Variants in ZNF106 observed in about 807,000 individuals in gnomAD.
ZNF106 encodes SH3-domain binding protein 3.
Under a neutral mutation model 195.1 loss-of-function variants are expected in ZNF106, and 67 were observed. The ratio of observed to expected loss-of-function variants is 0.34; its 90% confidence interval spans 0.28 to 0.42. The LOEUF (loss-of-function observed/expected upper bound fraction) is 0.42, where lower values mean the gene tolerates loss of function less well. ZNF106 is among the 10% of genes least tolerant of loss of function. The probability of loss-of-function intolerance (pLI) is 1.00; values close to 1 mark genes in which losing one functional copy is unlikely to be tolerated. For missense variants in ZNF106, 2,118 were observed against 2,304.5 expected (o/e 0.92, Z 1.66); for synonymous variants, 784 against 818.6 (o/e 0.96, Z 0.72).
At position 42,451,728 on chromosome 15, in the gene ZNF106, C is replaced by T; in HGVS notation, c.544G>A (p.Gly182Arg). Reference sequence around the variant, plus strand: ...ACACCCTTATGCCACCCGGAACGTCCTCTTGGTCCACCACCATTCCTCAAA... The same window carrying T: ...ACACCCTTATGCCACCCGGAACGTCTTCTTGGTCCACCACCATTCCTCAAA... ...HSLRNGGGPR[G>R]RSGWHKGVAG... Residue 182 changes from glycine (G) to arginine (R), a missense_variant, in exon 5 of 22, where the codon GGA (glycine) becomes AGA (arginine). Coordinates refer to ENST00000564754, the MANE Select transcript of ZNF106 (RefSeq NM_001366845.3). 1.2e-6 allele frequency: 2 copies of T among 1,614,176 alleles called. No individual in the cohort carries two copies. The highest frequency in any genetic ancestry group is 1.1e-5 in the South Asian group (1 of 91,080).
At chr15:42,417,782 A>C (rs986922902) in intron 21 of ZNF106, 23 bp downstream of exon 21, 4 of 1,600,970 alleles carry the variant, frequency 2.5e-6, no homozygotes, top group East Asian at 4.5e-5. Flanking sequence ...ATCCCAGGCA[A>C]ACCTCAAGTC....
At chr15:42,419,621 G>C (rs2054585225) in intron 20 of ZNF106, among the ~76,000 whole-genome samples, 1 of 152,068 alleles carries the variant, frequency 6.6e-6, no homozygotes, top group Non-Finnish European at 1.5e-5. Context: ...TGTTGGTAAA[G>C]TCTTGTGATT....
Position 42,444,261 on chromosome 15 carries a change from A to T in ZNF106, c.3362T>A (p.Ile1121Lys). 1 of 1,605,912 alleles carries T rather than the reference A, an allele frequency of 6.2e-7. No individual in the cohort carries two copies. Among genetic ancestry groups the T allele is most frequent in the Admixed American group, 1.7e-5 (1 of 59,766 alleles). Residue 1121 changes from isoleucine (I) to lysine (K), a missense_variant and splice_region_variant, in exon 9 of 22, where the codon ATA becomes AAA. Physicochemically the swap from Ile to Lys is moderately radical, Grantham distance 102. Coordinates refer to ENST00000564754, the MANE Select transcript of ZNF106 (RefSeq NM_001366845.3). ...VQRLLMLKQQ[I>K]TMEMSALRTH... ...CCTCAGTGCACTCATCTCCATAGTT[A>T]TCTAAAAATAAAGTATTTTATTAAG...
chr15:42,459,191 T>C (rs191734267), intron 3 of ZNF106, among the ~76,000 whole-genome samples: 86 of 152,208 alleles, frequency 5.7e-4, no homozygotes, highest in African/African-American at 2.0e-3. Flanking sequence ...AAGAATAATC[T>C]TCGGCCAGGC....
rs2141318886 is a variant in ZNF106, at chr15:42,439,805, T to C, written c.3772A>G (p.Ser1258Gly). Residue 1258 changes from serine to glycine, a missense_variant, in exon 11 of 22, where the codon AGT (serine) becomes GGT (glycine). By Grantham distance (56) the Ser-to-Gly change is moderately conservative. Transcript: ENST00000564754. ...KELLEANREI[S>G]DSCPVYPVIT... ...ACTGGATAAACTGGACAACTGTCAC[T>C]GATCTCTCCTGAATTGAGAGGAAAA... is the stretch of plus-strand genomic sequence containing the variant. 1 of 1,549,456 alleles carries C rather than the reference T, an allele frequency of 6.5e-7. No homozygotes were observed. Among genetic ancestry groups the C allele is most frequent in the East Asian group, 2.3e-5 (1 of 44,308 alleles).
chr15:42,448,899 G>A (rs1289107444), intron 5 of ZNF106, among the ~76,000 whole-genome samples, 194 bp from the exon 6 acceptor site: 1 of 151,824 alleles, frequency 6.6e-6, no homozygotes, highest in Non-Finnish European at 1.5e-5. Flanking sequence ...CAGATTAGAG[G>A]TTTGTATACA....
rs763855998 is a variant in ZNF106, at chr15:42,451,551, T to C, written c.721A>G (p.Met241Val). The change falls in exon 5 of 22, where the codon ATG becomes GTG. Residue 241 changes from methionine to valine, a missense_variant. Physicochemically the swap from Met to Val is conservative, Grantham distance 21. Coordinates refer to ENST00000564754, the MANE Select transcript of ZNF106 (RefSeq NM_001366845.3). Reference protein sequence around the residue: ...EGTGGFSSWHMNNSNGNWKSS... With the variant: ...EGTGGFSSWHVNNSNGNWKSS... ...TTCCAGTTTCCGTTACTGTTGTTCA[T>C]ATGCCAACTGGAAAAGCCACCTGTT... 5 of 1,614,084 alleles carry C rather than the reference T, an allele frequency of 3.1e-6. No individual in the cohort carries two copies. The South Asian group carries it at 5.5e-5, about 18-fold the overall frequency.
intron 4 of ZNF106, among the ~76,000 whole-genome samples, chr15:42,455,392 A>G (rs1281263660): frequency 2.0e-5 from 3 of 152,212 alleles, no homozygotes; most frequent in African/African-American, 7.2e-5. Flanking sequence ...ATTTTGTAAA[A>G]TGAAATGAGG....
intron 20 of ZNF106, 96 bp downstream of exon 20, chr15:42,420,965 T>C (rs770260646): frequency 8.9e-4 from 1,013 of 1,134,906 alleles, no homozygotes; most frequent in Non-Finnish European, 1.2e-3. Context: ...TGCTAAAATA[T>C]AAAAATGCTA....
intron 12 of ZNF106, 129 bp downstream of exon 12, chr15:42,438,483 C>T (rs796143177): frequency 2.6e-6 from 2 of 767,528 alleles, no homozygotes; most frequent in African/African-American, 3.5e-5. Context: ...CAAGGCAATC[C>T]TCTTGGTGAT....
chr15:42,427,847 G>A (rs2054910120), intron 15 of ZNF106, 171 bp downstream of exon 15: 2 of 523,226 alleles, frequency 3.8e-6, no homozygotes, highest in African/African-American at 3.7e-5. Flanking sequence ...AGAGAGAATG[G>A]AGGATCTTGT....
At chr15:42,459,685 C>G (rs750095940) in intron 3 of ZNF106, among the ~76,000 whole-genome samples, 2 of 152,054 alleles carry the variant, frequency 1.3e-5, no homozygotes, top group African/African-American at 4.8e-5. Context: ...AGGACTATAA[C>G]AAATCTACAA....
chr15:42,472,085 T>C (rs2056682604), intron 2 of ZNF106, 151 bp downstream of exon 2: 1 of 755,162 alleles, frequency 1.3e-6, no homozygotes, highest in Non-Finnish European at 1.9e-6. Flanking sequence ...AATGAGACTA[T>C]GGTTTAGGAA....
In ZNF106 at chr15:42,414,105, C is replaced by T. The variant is rs2054361298; in HGVS notation, c.*3199G>A. ...AAAGTGGCTTCAACTACTTTAAAGA[C>T]ATGAGTCAGTTTTTGTCAGGTCATT... On this transcript the variant is annotated 3_prime_UTR_variant, in exon 22 of 22. Coordinates refer to ENST00000564754, the MANE Select transcript of ZNF106 (RefSeq NM_001366845.3). 6.6e-6 allele frequency: 1 copy of T among 152,202 alleles called. No homozygotes were observed. Among genetic ancestry groups the T allele is most frequent in the South Asian group, 2.1e-4 (1 of 4,830 alleles). The allele number at this position is 152,202 out of a possible 1,614,324, so 9.4% of individuals were successfully genotyped here. A position where few individuals can be genotyped will look rare whatever the true frequency, so the allele number is the denominator to read the frequency against.
intron 16 of ZNF106, chr15:42,424,432 C>T (rs531954765): frequency 3.7e-6 from 1 of 272,360 alleles, no homozygotes; most frequent in South Asian, 7.3e-5. Flanking sequence ...CAAGGTGGTG[C>T]TTCTAAATGA....
rs763728629 is a variant in ZNF106 at position 42,435,533 on chromosome 15, C to T, written c.4747-15G>A. 1 of 1,614,076 alleles carries T rather than the reference C, an allele frequency of 6.2e-7. No homozygotes were observed. The highest frequency in any genetic ancestry group is 8.5e-7 in the Non-Finnish European group (1 of 1,179,952). Reference sequence around the variant, plus strand: ...CATTTCCGACTCTAAAGTTTAAGCACAGACCAGATTATTACTTATGAGATA... The same window carrying T: ...CATTTCCGACTCTAAAGTTTAAGCATAGACCAGATTATTACTTATGAGATA... On this transcript the variant is annotated splice_polypyrimidine_tract_variant and intron_variant, in intron 13 of 21. Transcript: ENST00000564754.
Position 42,417,145 on chromosome 15 carries a change from A to G in ZNF106, c.*159T>C. The G allele has an allele frequency of 4.6e-6, 3 of 650,380 alleles. No individual in the cohort carries two copies. Among genetic ancestry groups the G allele is most frequent in the Non-Finnish European group, 7.9e-6 (3 of 382,084 alleles). The allele number at this position is 650,380 out of a possible 1,614,324, so 40.3% of individuals were successfully genotyped here. A position where few individuals can be genotyped will look rare whatever the true frequency, so the allele number is the denominator to read the frequency against. ...CAAGAACTTAAAAGTGTAATTTATC[A>G]TCCCATAGAGCTGCCCAGACTTATG... On this transcript the variant is annotated 3_prime_UTR_variant, in exon 22 of 22. Transcript: ENST00000564754.
intron 14 of ZNF106, among the ~76,000 whole-genome samples, chr15:42,433,481 T>C (rs2055139900): frequency 7.8e-6 from 1 of 129,016 alleles, no homozygotes; most frequent in South Asian, 2.5e-4. Flanking sequence ...TGTTCTTTTT[T>C]TTTTCTTTTC....
chr15:42,479,109 C>G (rs1219865383), intron 1 of ZNF106, among the ~76,000 whole-genome samples: 1 of 152,176 alleles, frequency 6.6e-6, no homozygotes, highest in Non-Finnish European at 1.5e-5. Context: ...AGCTACGACT[C>G]ACGTCTATAA....
Sources: allele counts gnomAD v4.1 joint callset (sites outside exome capture counted in the v4.1 genomes callset), GRCh38; gene constraint gnomAD v4.1.1; transcripts MANE v1.5; gene names NCBI Gene and HGNC (gene_info 2026-07-23, HGNC 2026-07-21).